Variants in INO80 observed in about 807,000 individuals in gnomAD.
INO80 encodes the protein chromatin-remodeling ATPase INO80.
A neutral mutation model predicts 203.4 loss-of-function variants in INO80; 20 were observed. The observed-to-expected ratio is 0.10, with a 90% CI of 0.07 to 0.14. INO80 has a LOEUF of 0.14. Ranked by LOEUF, INO80 falls within the 10% of genes least tolerant of loss-of-function variation. The probability of loss-of-function intolerance (pLI) is 1.00; values close to 1 mark genes in which losing one functional copy is unlikely to be tolerated. For synonymous variants in INO80, 726 were observed against 685.2 expected, an observed-to-expected ratio of 1.06 and a Z score of -0.93; for missense variants, 1,419 against 1,914.4, an observed-to-expected ratio of 0.74 and a Z score of 4.83.
chr15:41,110,161 T>C (rs1239814608), intron 1 of INO80, among the ~76,000 whole-genome samples: 1 of 152,042 alleles, frequency 6.6e-6, no homozygotes, highest in East Asian at 1.9e-4. Flanking sequence ...TTATTTTTAT[T>C]TTGAGATGGA....
Position 40,987,204 on chromosome 15 carries a change from G to C in INO80, c.3730-11C>G, listed in dbSNP as rs199989126. The C allele has an allele frequency of 2.6e-6, 4 of 1,552,864 alleles. No individual in the cohort carries two copies. The highest frequency in any genetic ancestry group is 8.9e-7 in the Non-Finnish European group (1 of 1,124,554). ...CACCATCCGCTGAATCTACACCAAA[G>C]CAGATCAAAATGTCACCTCCAGGCA... On this transcript the variant is annotated splice_polypyrimidine_tract_variant and intron_variant, in intron 30 of 35. Coordinates refer to ENST00000648947, the MANE Select transcript of INO80 (RefSeq NM_017553.3).
intron 27 of INO80, among the ~76,000 whole-genome samples, chr15:41,010,595 G>A (rs2044118828): frequency 1.3e-5 from 2 of 152,104 alleles, no homozygotes; most frequent in South Asian, 4.1e-4. Context: ...CCAGATGGAA[G>A]GGATGATCAG....
intron 25 of INO80, among the ~76,000 whole-genome samples, chr15:41,022,572 C>T (rs1342933791): frequency 2.6e-5 from 4 of 152,050 alleles, no homozygotes; most frequent in Non-Finnish European, 4.4e-5. Flanking sequence ...GCTGTAGGTG[C>T]CTCTGGAGGG....
intron 16 of INO80, 27 bp from the exon 17 acceptor site, chr15:41,056,733 C>T (rs1217704812): frequency 6.3e-7 from 1 of 1,584,552 alleles, no homozygotes; most frequent in South Asian, 1.1e-5. Context: ...GTTACAAATT[C>T]ATGTTAGCAA....
At chr15:41,065,614 A>C (rs984345908) in intron 14 of INO80, among the ~76,000 whole-genome samples, 9 of 152,220 alleles carry the variant, frequency 5.9e-5, no homozygotes, top group African/African-American at 1.7e-4. Flanking sequence ...AACAGCCAAA[A>C]GGTGGAAACA....
chr15:41,089,384 C>T (rs1029461787), intron 5 of INO80, among the ~76,000 whole-genome samples: 1 of 152,150 alleles, frequency 6.6e-6, no homozygotes, highest in African/African-American at 2.4e-5. Context: ...TGGACCTTAA[C>T]TAATTGCTAG....
chr15:41,101,753 T>C (rs1008517121), intron 1 of INO80, among the ~76,000 whole-genome samples: 1 of 151,948 alleles, frequency 6.6e-6, no homozygotes, highest in Non-Finnish European at 1.5e-5. Flanking sequence ...GGTTTCACTG[T>C]GTTAGCCAGG....
chr15:41,080,061 T>C (rs1035275561), intron 8 of INO80, among the ~76,000 whole-genome samples, 157 bp from the exon 9 acceptor site: 4 of 152,198 alleles, frequency 2.6e-5, no homozygotes, highest in Admixed American at 1.3e-4. Context: ...TGTACAGTAC[T>C]GTGACATAGG....
intron 9 of INO80, among the ~76,000 whole-genome samples, chr15:41,075,436 T>G (rs998837077): frequency 2.0e-5 from 3 of 151,924 alleles, no homozygotes; most frequent in African/African-American, 7.3e-5. Context: ...AATGCCTGGC[T>G]AATTTTTCTA....
At chr15:41,110,470 C>CG (rs2045943313) in intron 1 of INO80, among the ~76,000 whole-genome samples, 2 of 151,910 alleles carry the variant, frequency 1.3e-5, no homozygotes. Flanking sequence ...GACAGGGTCT[C>CG]GCTTGTCACC....
rs1205932520 is a variant in INO80 at position 41,046,202 on chromosome 15, C to CATAT, written c.2736-1128_2736-1127insATAT. Among the ~76,000 whole-genome samples, 609 of 109,334 alleles carry CATAT rather than the reference C, an allele frequency of 5.6e-3. 99 individuals are homozygous for CATAT. The highest frequency in any genetic ancestry group is 8.1e-3 in the African/African-American group (181 of 22,242). The allele number at this position is 109,334 out of a possible 152,430, so 71.7% of individuals were successfully genotyped here. A position where few individuals can be genotyped will look rare whatever the true frequency, so the allele number is the denominator to read the frequency against. The stretch of plus-strand genomic sequence containing the variant: ...CTGTGTGTGTCTCTGTGTGCGTATA[C>CATAT]ATACATATATATATATATATATATA... On this transcript the variant is annotated intron_variant, in intron 23 of 35. Transcript: ENST00000648947.
In INO80 at chr15:41,008,017, T is replaced by C. The variant is rs150435664; in HGVS notation, c.3403-2330A>G. 1.1e-3 allele frequency among the ~76,000 whole-genome samples: 174 copies of C among 151,960 alleles called. 1 individual carries two copies. The highest frequency in any genetic ancestry group is 3.8e-3 in the African/African-American group (158 of 41,438). ...GGCGAAACCCCATCTCTACTGAAAA[T>C]ACAAAAATTAGCTGGGTGTGCTGGT... On this transcript the variant is annotated intron_variant, in intron 27 of 35. Transcript: ENST00000648947.
intron 24 of INO80, among the ~76,000 whole-genome samples, chr15:41,034,202 G>A (rs923461921): frequency 6.6e-6 from 1 of 152,130 alleles, no homozygotes; most frequent in South Asian, 2.1e-4. Context: ...GTACTTCTTT[G>A]GATTCTGTAA....
chr15:41,047,554 C>G (rs951681276), intron 22 of INO80, 53 bp from the exon 23 acceptor site: 142 of 1,222,190 alleles, frequency 1.2e-4, no homozygotes, highest in Non-Finnish European at 1.6e-4. Context: ...AGACGATGCT[C>G]AGTTAAAGCC....
intron 34 of INO80, 23 bp downstream of exon 34, chr15:40,983,739 C>A (rs370667160): frequency 1.9e-6 from 3 of 1,610,278 alleles, no homozygotes; most frequent in African/African-American, 2.7e-5. Flanking sequence ...CAGGCCCAAG[C>A]TGTACAAGAC....
intron 1 of INO80, among the ~76,000 whole-genome samples, chr15:41,106,761 T>C (rs2045886132): frequency 6.6e-6 from 1 of 152,228 alleles, no homozygotes; most frequent in Non-Finnish European, 1.5e-5. Flanking sequence ...TCTATAAATA[T>C]TTCTACATAT....
chr15:41,087,756 T>C, intron 5 of INO80, 74 bp from the exon 6 acceptor site: 1 of 1,473,698 alleles, frequency 6.8e-7, no homozygotes, highest in Non-Finnish European at 9.1e-7. Flanking sequence ...TACAGAAAAC[T>C]AAGCCAGAGG....
chr15:41,107,109 A>G (rs2045891169), intron 1 of INO80, among the ~76,000 whole-genome samples: 1 of 152,230 alleles, frequency 6.6e-6, no homozygotes, highest in Non-Finnish European at 1.5e-5. Context: ...GTTGTTTCAC[A>G]CATTTGTGAT....
intron 12 of INO80, among the ~76,000 whole-genome samples, chr15:41,071,203 C>T (rs2045307347): frequency 6.6e-6 from 1 of 152,140 alleles, no homozygotes; most frequent in African/African-American, 2.4e-5. Flanking sequence ...CCTTCTGCCT[C>T]TTGTCAAAGG....
Sources: gnomAD v4.1 joint callset for allele counts (sites outside exome capture counted in the v4.1 genomes callset) on GRCh38, gnomAD v4.1.1 for gene constraint, MANE v1.5 for transcripts, NCBI Gene and HGNC (gene_info 2026-07-23, HGNC 2026-07-21) for gene names.